KIF13A: variants seen among roughly 807,000 people sequenced by gnomAD.
KIF13A encodes the protein kinesin family member 13A.
Under a neutral mutation model 212.2 loss-of-function variants are expected in KIF13A, and 79 were observed. That is an observed-to-expected ratio of 0.37 (90% CI 0.31 to 0.45). The LOEUF is 0.45. Ranked by LOEUF, KIF13A falls within the 20% of genes least tolerant of loss-of-function variation. The pLI is 1.00. For missense variants in KIF13A, 1,901 were observed against 2,209.0 expected, an observed-to-expected ratio of 0.86 and a Z score of 2.79; for synonymous variants, 789 against 808.6, an observed-to-expected ratio of 0.98 and a Z score of 0.41.
At position 17,972,833 on chromosome 6, in the gene KIF13A, GAAA is replaced by G. The variant is rs34095609; in HGVS notation, c.146+14218_146+14220del. On this transcript the variant is annotated intron_variant, in intron 2 of 38. Coordinates refer to ENST00000259711, the MANE Select transcript of KIF13A (RefSeq NM_022113.6). ...GTTCCTTGTCTTTGAGAGAGAGTGA[GAAA>G]AAAAAAAAAAAAAAAAAACAAGGCT... Among the ~76,000 whole-genome samples the G allele has an allele frequency of 1.4e-3, 154 of 113,306 alleles. 1 individual carries two copies. The highest frequency in any genetic ancestry group is 4.5e-3 in the African/African-American group (134 of 30,026). The allele number at this position is 113,306 out of a possible 152,430, so 74.3% of individuals were successfully genotyped here.
chr6:17,855,704 G>T lies in KIF13A; in HGVS notation c.314-87C>A. Reference sequence around the variant, plus strand: ...CCATACAAGGTTTCCCCATATACTGGCCATGGTAACATAGCAGAAGAGTGG... The same window carrying T: ...CCATACAAGGTTTCCCCATATACTGTCCATGGTAACATAGCAGAAGAGTGG... On this transcript the variant is annotated intron_variant, in intron 5 of 38. Transcript: ENST00000259711. This position sits in a 1 kb window ranked among gnomAD's most constrained non-coding sequence, Gnocchi z 4.1. The T allele has an allele frequency of 9.1e-7, 1 of 1,094,640 alleles. No individual in the cohort carries two copies. The highest frequency in any genetic ancestry group is 1.3e-6 in the Non-Finnish European group (1 of 771,544). 67.8% of individuals were successfully genotyped at this position (1,094,640 alleles called of 1,614,324 possible).
At position 17,939,874 on chromosome 6, in the gene KIF13A, A is replaced by G. The variant is rs558622234; in HGVS notation, c.147-41694T>C. ...GAGACCACGGTGAAACCCCGTCTCT[A>G]CTAAAAATACAAAAAATTAGCTGGG... On this transcript the variant is annotated intron_variant, in intron 2 of 38. Coordinates refer to ENST00000259711, the MANE Select transcript of KIF13A (RefSeq NM_022113.6). Among the ~76,000 whole-genome samples, 181 of 151,960 alleles carry G rather than the reference A, an allele frequency of 1.2e-3. 2 individuals are homozygous for G. Among genetic ancestry groups the G allele is most frequent in the South Asian group, 2.5e-3 (12 of 4,806 alleles).
At position 17,926,038 on chromosome 6, in the gene KIF13A, T is replaced by C. The variant is rs2150528230; in HGVS notation, c.147-27858A>G. Among the ~76,000 whole-genome samples, 1 of 152,322 alleles carries C rather than the reference T, an allele frequency of 6.6e-6. No individual in the cohort carries two copies. The highest frequency in any genetic ancestry group is 2.1e-4 in the South Asian group (1 of 4,822). On this transcript the variant is annotated intron_variant, in intron 2 of 38. Transcript: ENST00000259711. This position sits in a 1 kb window ranked among gnomAD's most constrained non-coding sequence, Gnocchi z 4.3. The stretch of plus-strand genomic sequence containing the variant: ...GCACCAGAAGAGGCAGCTGTATCTA[T>C]GATGCTCTTATGTAAAATGCTCATC...
At position 17,773,391 on chromosome 6, in the gene KIF13A, A is replaced by G; in HGVS notation, c.4324+87T>C. ...AACTAGAATATCAGCTTCATATCTTATTATATGCCATTAATGAAAGACATT... is the reference window on the plus strand; with the variant it reads ...AACTAGAATATCAGCTTCATATCTTGTTATATGCCATTAATGAAAGACATT... On this transcript the variant is annotated intron_variant, in intron 36 of 38. Coordinates refer to ENST00000259711, the MANE Select transcript of KIF13A (RefSeq NM_022113.6). This position sits in a 1 kb window ranked among gnomAD's most constrained non-coding sequence, Gnocchi z 4.2. 2 of 713,810 alleles carry G rather than the reference A, an allele frequency of 2.8e-6. No homozygotes were observed. Among genetic ancestry groups the G allele is most frequent in the Non-Finnish European group, 4.9e-6 (2 of 407,166 alleles). The allele number at this position is 713,810 out of a possible 1,614,324, so 44.2% of individuals were successfully genotyped here. A position where few individuals can be genotyped will look rare whatever the true frequency, so the allele number is the denominator to read the frequency against.
chr6:17,836,974 C>T lies in KIF13A; in HGVS notation c.1059G>A (p.Val353=), dbSNP rs775317214. The T allele has an allele frequency of 3.7e-6, 6 of 1,613,960 alleles. No homozygotes were observed. The highest frequency in any genetic ancestry group is 5.1e-6 in the Non-Finnish European group (6 of 1,179,882). The part of the protein sequence containing the change: ...LRYADRAKRI[V]NHAVVNEDPN... ...GGTCCTCATTCACAACAGCATGGTT[C>T]ACAATCCTTTTGGCTCGGTCTGCAT... Residue 353 remains valine, a synonymous_variant, in exon 11 of 39, where the codon GTG becomes GTA. Transcript: ENST00000259711.
intron 17 of KIF13A, 64 bp from the exon 18 acceptor site, chr6:17,808,994 G>A: frequency 1.4e-6 from 2 of 1,401,798 alleles, no homozygotes; most frequent in East Asian, 2.5e-5. Flanking sequence ...GTTTCTAAGT[G>A]AGCATCTTAT....
At chr6:17,969,512 G>A (rs78019936) in intron 2 of KIF13A, among the ~76,000 whole-genome samples, 31,794 of 152,150 alleles carry the variant, frequency 0.21, 3,676 homozygotes, top group African/African-American at 0.31. Flanking sequence ...ATGACTGGCT[G>A]AAGCTAGTGA....
At chr6:17,958,691 T>C (rs1239265714) in intron 2 of KIF13A, among the ~76,000 whole-genome samples, 1 of 152,182 alleles carries the variant, frequency 6.6e-6, no homozygotes, top group Non-Finnish European at 1.5e-5. Context: ...GAATATACAA[T>C]GTGATATTTC....
chr6:17,977,114 C>CAA (rs398000718), intron 2 of KIF13A, among the ~76,000 whole-genome samples: 998 of 105,080 alleles, frequency 9.5e-3, no homozygotes, highest in Non-Finnish European at 0.013. Flanking sequence ...AAAACAACAA[C>CAA]AAAAAAAAAA....
chr6:17,920,359 C>T (rs574107365), intron 2 of KIF13A, among the ~76,000 whole-genome samples: 1 of 152,186 alleles, frequency 6.6e-6, no homozygotes, highest in East Asian at 1.9e-4. Context: ...ACACTTTTTT[C>T]TTTTACAATC....
rs761026387 is a variant in KIF13A at position 17,837,813 on chromosome 6, C to T, written c.831-230G>A. Among the ~76,000 whole-genome samples the T allele has an allele frequency of 1.3e-5, 2 of 151,636 alleles. No homozygotes were observed. The highest frequency in any genetic ancestry group is 4.9e-5 in the African/African-American group (2 of 41,222). ...CTAAAAATACAAAAAATTAGCTGGGCGTGGTGGCAGGTGCCTGTAATCCCA... is the reference window on the plus strand; with the variant it reads ...CTAAAAATACAAAAAATTAGCTGGGTGTGGTGGCAGGTGCCTGTAATCCCA... On this transcript the variant is annotated intron_variant, in intron 9 of 38. Coordinates refer to ENST00000259711, the MANE Select transcript of KIF13A (RefSeq NM_022113.6). The surrounding 1 kb of genome is among the most constrained non-coding windows in gnomAD (Gnocchi z 5.4).
chr6:17,940,646 A>G (rs957781855), intron 2 of KIF13A, among the ~76,000 whole-genome samples: 1 of 152,142 alleles, frequency 6.6e-6, no homozygotes, highest in Non-Finnish European at 1.5e-5. Flanking sequence ...GCTATATATA[A>G]AAGACAGCAG....
chr6:17,840,924 C>G (rs1406077956), intron 9 of KIF13A, among the ~76,000 whole-genome samples: 1 of 152,188 alleles, frequency 6.6e-6, no homozygotes, highest in African/African-American at 2.4e-5. Flanking sequence ...GTGTCTCCCT[C>G]TCTAGCACCA....
chr6:17,800,388 T>C (rs1762378341), intron 20 of KIF13A, among the ~76,000 whole-genome samples: 1 of 151,540 alleles, frequency 6.6e-6, no homozygotes, highest in South Asian at 2.1e-4. Flanking sequence ...AGCCCAGGAA[T>C]AGCTTAAAGG....
intron 22 of KIF13A, among the ~76,000 whole-genome samples, chr6:17,798,692 AG>A: frequency 6.6e-6 from 1 of 152,368 alleles, no homozygotes; most frequent in Non-Finnish European, 1.5e-5. Context: ...TGTGAAAGCC[AG>A]GAAGAGTATA....
chr6:17,866,867 ATATATAT>A (rs1769450344), intron 4 of KIF13A, among the ~76,000 whole-genome samples: 1 of 143,098 alleles, frequency 7.0e-6, no homozygotes, highest in East Asian at 2.0e-4. Flanking sequence ...ATATATATAT[ATATATAT>A]ATTTACACAC....
chr6:17,824,534 C>T (rs182432879), intron 16 of KIF13A, among the ~76,000 whole-genome samples: 2 of 151,858 alleles, frequency 1.3e-5, no homozygotes, highest in African/African-American at 4.8e-5. Context: ...CCAAGACAGG[C>T]GGATCACGAG....
In KIF13A at chr6:17,837,355, A is replaced by G. The variant is rs76101669; in HGVS notation, c.942+117T>C. ...TCATTCTGTGTTCCTAGGAATTAGA[A>G]TAACTGTCATCAGGAGAGTTCTTTA... On this transcript the variant is annotated intron_variant, in intron 10 of 38. Coordinates refer to ENST00000259711, the MANE Select transcript of KIF13A (RefSeq NM_022113.6). The surrounding 1 kb of genome is among the most constrained non-coding windows in gnomAD (Gnocchi z 5.4). 0.034 allele frequency: 24,783 copies of G among 723,690 alleles called. 590 individuals carry two copies. The highest frequency in any genetic ancestry group is 0.044 in the Non-Finnish European group (19,087 of 429,082). 44.8% of individuals were successfully genotyped at this position (723,690 alleles called of 1,614,324 possible).
intron 16 of KIF13A, chr6:17,821,694 A>G (rs1764466877): frequency 8.6e-6 from 12 of 1,392,696 alleles, no homozygotes; most frequent in Non-Finnish European, 1.1e-5. Flanking sequence ...TGTTAGTTAG[A>G]TTTTTGCCAA....
Sources: gnomAD v4.1 joint callset for allele counts (sites outside exome capture counted in the v4.1 genomes callset) on GRCh38, gnomAD v4.1.1 for gene constraint, Gnocchi (gnomAD v3.1) non-coding constraint, MANE v1.5 for transcripts, NCBI Gene and HGNC (gene_info 2026-07-23, HGNC 2026-07-21) for gene names.